Variants in RBPJ observed in about 807,000 individuals in gnomAD.
RBPJ encodes recombining binding protein suppressor of hairless.
Under a neutral mutation model 67.8 loss-of-function variants are expected in RBPJ, and 9 were observed. That is an observed-to-expected ratio of 0.13 (90% CI 0.08 to 0.23). The LOEUF is 0.23. RBPJ is among the 10% of genes least tolerant of loss of function. RBPJ has a pLI of 1.00. For synonymous variants in RBPJ, 198 were observed against 203.3 expected (o/e 0.97, Z 0.22); for missense variants, 305 against 595.6 (o/e 0.51, Z 5.08).
intron 1 of RBPJ, among the ~76,000 whole-genome samples, chr4:26,369,613 A>G (rs947734180): frequency 2.0e-5 from 3 of 152,182 alleles, no homozygotes; most frequent in Admixed American, 6.5e-5. Context: ...ATTGTGATCT[A>G]TGCTCATATT....
rs540180657 is a variant in RBPJ, at chr4:26,399,668, T to A, written c.60-6507T>A. Among the ~76,000 whole-genome samples the A allele has an allele frequency of 2.0e-5, 3 of 152,258 alleles. No individual in the cohort carries two copies. The East Asian group carries it at 5.8e-4, about 29-fold the overall frequency. On this transcript the variant is annotated intron_variant, in intron 2 of 10. Coordinates refer to ENST00000355476, the MANE Select transcript of RBPJ (RefSeq NM_015874.6). ...TAATTTCATGTTAGTAAAATTATTTTTGATAACAAAATCTCCTTTTTTTGT... is the reference window on the plus strand; with the variant it reads ...TAATTTCATGTTAGTAAAATTATTTATGATAACAAAATCTCCTTTTTTTGT...
Position 26,205,012 on chromosome 4 carries a change from C to T in RBPJ, c.-167+41398C>T, listed in dbSNP as rs887622356. 1.7e-4 allele frequency among the ~76,000 whole-genome samples: 26 copies of T among 152,264 alleles called. No homozygotes were observed. The East Asian group carries it at 3.7e-3, about 22-fold the overall frequency. On this transcript the variant is annotated intron_variant, in intron 1 of 4. Coordinates refer to the RBPJ transcript ENST00000512351. ...GGATGTGCCAAGGTCCTGGCCTCGGCGCCAGGGGCCACGTGGCTGGAAGGA... is the reference window on the plus strand; with the variant it reads ...GGATGTGCCAAGGTCCTGGCCTCGGTGCCAGGGGCCACGTGGCTGGAAGGA...
chr4:26,238,376 A>G (rs1330134605), intron 1 of RBPJ, among the ~76,000 whole-genome samples: 1 of 152,140 alleles, frequency 6.6e-6, no homozygotes, highest in Non-Finnish European at 1.5e-5. Context: ...CAAGTTCTTA[A>G]CTTCTTTGAG....
rs531879066 is a variant in RBPJ, at chr4:26,342,886, G to A, written c.20+21838G>A. 9.7e-4 allele frequency among the ~76,000 whole-genome samples: 148 copies of A among 152,262 alleles called. 1 individual carries two copies. The highest frequency in any genetic ancestry group is 3.5e-3 in the African/African-American group (145 of 41,556). ...ATATAAATGACAGGTATTGCTATTA[G>A]CAATGACTCAAGATTCTCATGTTTT... is the stretch of plus-strand genomic sequence containing the variant. On this transcript the variant is annotated intron_variant, in intron 1 of 10. Transcript: ENST00000355476.
intron 1 of RBPJ, among the ~76,000 whole-genome samples, chr4:26,305,268 T>C (rs565923589): frequency 1.3e-5 from 2 of 152,330 alleles, no homozygotes; most frequent in Non-Finnish European, 2.9e-5. Flanking sequence ...TGCGGAAATA[T>C]CAGTCCTCCA....
At chr4:26,224,459 G>A (rs924762215) in intron 1 of RBPJ, among the ~76,000 whole-genome samples, 1 of 152,120 alleles carries the variant, frequency 6.6e-6, no homozygotes, top group African/African-American at 2.4e-5. Flanking sequence ...ATATTTCAAC[G>A]TAGGTTCTTT....
chr4:26,316,685 T>C (rs1017150811), upstream of RBPJ, among the ~76,000 whole-genome samples: 37 of 143,340 alleles, frequency 2.6e-4, 1 homozygote, highest in Admixed American at 1.2e-3. Context: ...TATATATATA[T>C]ACACATATTG....
chr4:26,431,570 C>CT lies in RBPJ; in HGVS notation c.*565dup, dbSNP rs1736240076. The CT allele has an allele frequency of 6.6e-6, 1 of 151,758 alleles. No homozygotes were observed. Among genetic ancestry groups the CT allele is most frequent in the Non-Finnish European group, 1.5e-5 (1 of 67,930 alleles). 9.4% of individuals were successfully genotyped at this position (151,758 alleles called of 1,614,324 possible). A position where few individuals can be genotyped will look rare whatever the true frequency, so the allele number is the denominator to read the frequency against. The stretch of plus-strand genomic sequence containing the variant: ...CCATCCTTGTTTAATCTATCATACT[C>CT]TTCCAGGTTTTTTTTTTTTGGTCTA... On this transcript the variant is annotated 3_prime_UTR_variant, in exon 11 of 11. Transcript: ENST00000355476.
intron 1 of RBPJ, among the ~76,000 whole-genome samples, chr4:26,301,840 T>C (rs1427302205): frequency 6.6e-6 from 1 of 151,988 alleles, no homozygotes; most frequent in East Asian, 1.9e-4. Flanking sequence ...TTGCCCAGGC[T>C]GGAGTGCAGT....
At chr4:26,169,193 T>G (rs1166027629) in intron 1 of RBPJ, among the ~76,000 whole-genome samples, 1 of 152,108 alleles carries the variant, frequency 6.6e-6, no homozygotes, top group Non-Finnish European at 1.5e-5. Flanking sequence ...TTTCCCCATC[T>G]TTGTGGTTTT....
At chr4:26,117,440 A>G in the RBPJ span, among the ~76,000 whole-genome samples, 1 of 152,142 alleles carries the variant, frequency 6.6e-6, no homozygotes, top group Non-Finnish European at 1.5e-5. Flanking sequence ...ATGTCATATT[A>G]TACAATAGGT....
At chr4:26,213,159 C>G (rs969990640) in intron 1 of RBPJ, among the ~76,000 whole-genome samples, 1 of 152,122 alleles carries the variant, frequency 6.6e-6, no homozygotes, top group Non-Finnish European at 1.5e-5. Flanking sequence ...CATGAGAACC[C>G]CAACTTGAAG....
chr4:26,343,794 A>G (rs2109410331), intron 1 of RBPJ, among the ~76,000 whole-genome samples: 1 of 117,326 alleles, frequency 8.5e-6, no homozygotes, highest in South Asian at 2.7e-4. Flanking sequence ...CTTCTTGCCC[A>G]GACTGGAGTG....
At chr4:26,114,728 T>C in the RBPJ span, among the ~76,000 whole-genome samples, 1 of 152,122 alleles carries the variant, frequency 6.6e-6, no homozygotes, top group South Asian at 2.1e-4. Context: ...TACTTATGTA[T>C]GTGTATATAT....
chr4:26,417,718 G>A (rs951415849), intron 4 of RBPJ, among the ~76,000 whole-genome samples: 3 of 152,160 alleles, frequency 2.0e-5, no homozygotes, highest in Non-Finnish European at 4.4e-5. Context: ...CCTGAGCAGC[G>A]GATTCTGAGC....
chr4:26,109,579 CTATA>C, the RBPJ span, among the ~76,000 whole-genome samples: 30 of 29,388 alleles, frequency 1.0e-3, 2 homozygotes, highest in Non-Finnish European at 1.8e-3. Context: ...CTCTCTCTCT[CTATA>C]TATATATATA....
chr4:26,358,794 A>G (rs184380213), intron 1 of RBPJ, among the ~76,000 whole-genome samples: 3 of 151,960 alleles, frequency 2.0e-5, no homozygotes, highest in Non-Finnish European at 4.4e-5. Flanking sequence ...TAAAAAAAAA[A>G]AAAAGTCCAT....
In RBPJ at chr4:26,430,330, AC is replaced by A. The variant is rs547818542; in HGVS notation, c.1045-88del. The A allele has an allele frequency of 6.1e-4, 714 of 1,164,272 alleles. 1 individual carries two copies. Among genetic ancestry groups the A allele is most frequent in the Admixed American group, 8.4e-4 (41 of 48,522 alleles). 72.1% of individuals were successfully genotyped at this position (1,164,272 alleles called of 1,614,324 possible). Reference sequence around the variant, plus strand: ...TTTTAATTGCCCTTTTTTAAAAAAAACAAATGAAAGTTGAATGAGAATCTAA... The same window carrying A: ...TTTTAATTGCCCTTTTTTAAAAAAAAAAATGAAAGTTGAATGAGAATCTAA... On this transcript the variant is annotated intron_variant, in intron 9 of 10. Transcript: ENST00000355476. This position sits in a 1 kb window ranked among gnomAD's most constrained non-coding sequence, Gnocchi z 4.1.
chr4:26,383,585 T>C (rs1730529757), intron 1 of RBPJ, among the ~76,000 whole-genome samples: 1 of 152,234 alleles, frequency 6.6e-6, no homozygotes, highest in South Asian at 2.1e-4. Flanking sequence ...TTCACATATG[T>C]ATAAATATCT....
Sources: gnomAD v4.1 joint callset for allele counts (sites outside exome capture counted in the v4.1 genomes callset) on GRCh38, gnomAD v4.1.1 for gene constraint, Gnocchi (gnomAD v3.1) non-coding constraint, MANE v1.5 for transcripts, NCBI Gene and HGNC (gene_info 2026-07-23, HGNC 2026-07-21) for gene names.